The following PDCD11 variants were observed in gnomAD, a reference collection of about 807,000 sequenced individuals.
PDCD11 encodes the protein protein RRP5 homolog.
A neutral mutation model predicts 198.9 loss-of-function variants in PDCD11; 97 were observed. That is an observed-to-expected ratio of 0.49 (90% CI 0.41 to 0.58). PDCD11 has a LOEUF of 0.58. PDCD11 is among the 20% of genes least tolerant of loss of function. The probability of loss-of-function intolerance (pLI) is 0.00; values close to 1 mark genes in which losing one functional copy is unlikely to be tolerated. For synonymous variants in PDCD11, 893 were observed against 918.0 expected (o/e 0.97, Z 0.49); for missense variants, 2,102 against 2,312.7 (o/e 0.91, Z 1.87).
chr10:103,441,428 T>C (rs2032379688), intron 30 of PDCD11, among the ~76,000 whole-genome samples: 1 of 152,082 alleles, frequency 6.6e-6, no homozygotes, highest in Non-Finnish European at 1.5e-5. Context: ...TGGCTAATTT[T>C]TGTATTAGTA....
intron 34 of PDCD11, 194 bp from the exon 35 acceptor site, chr10:103,444,323 A>T (rs2032509899): frequency 4.8e-6 from 3 of 630,850 alleles, no homozygotes; most frequent in Non-Finnish European, 8.3e-6. Flanking sequence ...GTGCCCAGAG[A>T]GTGGTGTGTC....
intron 8 of PDCD11, among the ~76,000 whole-genome samples, chr10:103,410,311 G>A (rs2030718918): frequency 6.6e-6 from 1 of 151,712 alleles, no homozygotes; most frequent in Non-Finnish European, 1.5e-5. Flanking sequence ...GAAGGAGCAG[G>A]TGGAGAAGAA....
intron 25 of PDCD11, among the ~76,000 whole-genome samples, chr10:103,435,975 T>A (rs2032136784): frequency 6.6e-6 from 1 of 152,116 alleles, no homozygotes; most frequent in African/African-American, 2.4e-5. Flanking sequence ...GCACTGGATA[T>A]TTTAAATTTG....
intron 25 of PDCD11, among the ~76,000 whole-genome samples, chr10:103,437,545 T>C (rs1489677682): frequency 1.3e-5 from 2 of 152,170 alleles, no homozygotes; most frequent in Non-Finnish European, 2.9e-5. Context: ...TGGAGTGCAG[T>C]GGCACGATCT....
At position 103,422,904 on chromosome 10, in the gene PDCD11, G is replaced by A. The variant is rs572684175; in HGVS notation, c.2498-84G>A. 35 of 1,271,246 alleles carry A rather than the reference G, an allele frequency of 2.8e-5. No homozygotes were observed. In the East Asian group the frequency reaches 5.3e-4, roughly 19 times the overall value. The allele number at this position is 1,271,246 out of a possible 1,614,324, so 78.7% of individuals were successfully genotyped here. On this transcript the variant is annotated intron_variant, in intron 17 of 35. Coordinates refer to ENST00000369797, the MANE Select transcript of PDCD11 (RefSeq NM_014976.2). The stretch of plus-strand genomic sequence containing the variant: ...TGGTTCCAGTGCTCCACTGTCCTCC[G>A]TGGTGATAGCACACTGCCAGAGGAA...
At chr10:103,440,643 G>A (rs1270234394) in intron 29 of PDCD11, 62 bp downstream of exon 29, 42 of 1,611,182 alleles carry the variant, frequency 2.6e-5, no homozygotes, top group Non-Finnish European at 3.1e-5. Context: ...CCATGAGGGC[G>A]TGGGGACAGG....
In PDCD11 at chr10:103,441,908, C is replaced by A; in HGVS notation, c.4640C>A (p.Thr1547Asn). 2.5e-6 allele frequency: 4 copies of A among 1,614,206 alleles called. No homozygotes were observed. The highest frequency in any genetic ancestry group is 3.4e-6 in the Non-Finnish European group (4 of 1,180,022). The change falls in exon 31 of 36, where the codon ACC (threonine) becomes AAC (asparagine). Residue 1547 changes from threonine (T) to asparagine (N), a missense_variant. By Grantham distance (65) the Thr-to-Asn change is moderately conservative. Transcript: ENST00000369797. ...TGGAATGTGGGACTAGACTCTCTGA[C>A]CCCGGCCTTGCCACCTCTAGCAGAG... is the stretch of plus-strand genomic sequence containing the variant. ...FAWNVGLDSL[T>N]PALPPLAESS...
intron 32 of PDCD11, 122 bp from the exon 33 acceptor site, chr10:103,443,043 G>C (rs940976046): frequency 1.1e-4 from 86 of 773,256 alleles, no homozygotes; most frequent in Non-Finnish European, 1.7e-4. Flanking sequence ...TCTACATTTG[G>C]GGTGGGATCT....
intron 25 of PDCD11, among the ~76,000 whole-genome samples, chr10:103,436,636 A>G (rs560491392): frequency 6.6e-6 from 1 of 152,346 alleles, no homozygotes; most frequent in East Asian, 1.9e-4. Context: ...AATGAGTCCT[A>G]GAGACAGCCA....
rs369957948 is a variant in PDCD11 at position 103,416,662 on chromosome 10, A to C, written c.1690A>C (p.Asn564His). 12 of 1,614,134 alleles carry C rather than the reference A, an allele frequency of 7.4e-6. No homozygotes were observed. The highest frequency in any genetic ancestry group is 9.3e-6 in the Non-Finnish European group (11 of 1,180,054). The change falls in exon 13 of 36, where the codon AAT (asparagine) becomes CAT (histidine). Residue 564 changes from asparagine to histidine, a missense_variant. Transcript: ENST00000369797. ...DYGCIVKFYN[N>H]VQGLVPKHEL... Reference sequence around the variant, plus strand: ...TGGCTGCATTGTGAAGTTCTACAACAATGTGCAGGGACTGGTGCCCAAGCA... The same window carrying C: ...TGGCTGCATTGTGAAGTTCTACAACCATGTGCAGGGACTGGTGCCCAAGCA...
chr10:103,423,150 G>A lies in PDCD11; in HGVS notation c.2647+13G>A, dbSNP rs758483405. On this transcript the variant is annotated intron_variant, in intron 18 of 35. Transcript: ENST00000369797. ...TACCATCGCGCAGGTGAGTGCTTCT[G>A]TCTTACCCATTGTGGTTGGTGGGAG... The A allele has an allele frequency of 6.5e-7, 1 of 1,542,336 alleles. No homozygotes were observed. The highest frequency in any genetic ancestry group is 1.4e-5 in the African/African-American group (1 of 72,290).
Position 103,421,364 on chromosome 10 carries a change from T to A in PDCD11, c.2294T>A (p.Phe765Tyr). Residue 765 changes from phenylalanine to tyrosine, a missense_variant, in exon 17 of 36, where the codon TTT (phenylalanine) becomes TAT (tyrosine). Physicochemically the swap from Phe to Tyr is conservative, Grantham distance 22. Coordinates refer to ENST00000369797, the MANE Select transcript of PDCD11 (RefSeq NM_014976.2). The part of the protein sequence containing the change: ...LAPKAIMSDK[F>Y]VTSTSDHFVE... ...TCTGTTCAGATCATGAGTGACAAAT[T>A]TGTGACCTCCACAAGTGACCACTTT... 6.2e-7 allele frequency: 1 copy of A among 1,608,228 alleles called. No homozygotes were observed.
intron 5 of PDCD11, chr10:103,405,521 C>T (rs1249073823): frequency 4.3e-6 from 1 of 229,896 alleles, no homozygotes; most frequent in Non-Finnish European, 8.6e-6. Flanking sequence ...TCTTCTGCCT[C>T]AACCTCCTGA....
At chr10:103,403,869 G>A (rs1331178877) in intron 4 of PDCD11, among the ~76,000 whole-genome samples, 1 of 152,146 alleles carries the variant, frequency 6.6e-6, no homozygotes, top group Admixed American at 6.6e-5. Context: ...CAATATGGGT[G>A]GTGGGGCAGA....
chr10:103,429,559 C>T (rs1185986564), intron 21 of PDCD11, among the ~76,000 whole-genome samples: 1 of 151,262 alleles, frequency 6.6e-6, no homozygotes, highest in African/African-American at 2.4e-5. Flanking sequence ...CCCATGTCTT[C>T]ACATGGTCTT....
Position 103,409,774 on chromosome 10 carries a change from A to G in PDCD11, c.946A>G (p.Lys316Glu), listed in dbSNP as rs1207997891. 2 of 1,613,950 alleles carry G rather than the reference A, an allele frequency of 1.2e-6. No homozygotes were observed. Among genetic ancestry groups the G allele is most frequent in the Non-Finnish European group, 1.7e-6 (2 of 1,179,828 alleles). ...GVVDFMHLDP[K>E]KAGTYFSNQA... ...GGTTGACTTTATGCACCTGGATCCCAAGAAAGCTGGAACATATTTCTCAAA... is the reference window on the plus strand; with the variant it reads ...GGTTGACTTTATGCACCTGGATCCCGAGAAAGCTGGAACATATTTCTCAAA... The change falls in exon 8 of 36, where the codon AAG (lysine) becomes GAG (glutamate). Residue 316 changes from lysine (K) to glutamate (E), a missense_variant. Physicochemically the swap from Lys to Glu is moderately conservative, Grantham distance 56. Transcript: ENST00000369797.
intron 22 of PDCD11, among the ~76,000 whole-genome samples, chr10:103,433,733 C>T (rs1457780783): frequency 1.3e-5 from 2 of 152,108 alleles, no homozygotes; most frequent in East Asian, 3.9e-4. Flanking sequence ...GGAAGAGATG[C>T]ACATTCTGCT....
chr10:103,401,081 C>T (rs1037546540), intron 3 of PDCD11, among the ~76,000 whole-genome samples: 10 of 151,938 alleles, frequency 6.6e-5, no homozygotes, highest in Admixed American at 5.9e-4. Context: ...TTAAAGCTGT[C>T]GTGGGCTTGT....
intron 28 of PDCD11, 65 bp downstream of exon 28, chr10:103,439,933 GGGA>G: frequency 1.9e-6 from 3 of 1,591,210 alleles, no homozygotes; most frequent in Non-Finnish European, 2.6e-6. Flanking sequence ...CAGGAGCCCT[GGGA>G]GGAGATTTCA....
Sources: allele counts gnomAD v4.1 joint callset (sites outside exome capture counted in the v4.1 genomes callset), GRCh38; gene constraint gnomAD v4.1.1; transcripts MANE v1.5; gene names NCBI Gene and HGNC (gene_info 2026-07-23, HGNC 2026-07-21).